ARHGAP21: variants seen among roughly 807,000 people sequenced by gnomAD.
The protein encoded by ARHGAP21 is rho GTPase-activating protein 21.
A neutral mutation model predicts 164.6 loss-of-function variants in ARHGAP21; 38 were observed. The ratio of observed to expected loss-of-function variants is 0.23; its 90% CI spans 0.18 to 0.30. The LOEUF (loss-of-function observed/expected upper bound fraction) is 0.30. Among genes scored for constraint, ARHGAP21 ranks in the 10% least tolerant of loss-of-function variants. The probability of loss-of-function intolerance (pLI) is 1.00; values close to 1 mark genes in which losing one functional copy is unlikely to be tolerated. For missense variants in ARHGAP21, 1,822 were observed against 2,370.7 expected, an observed-to-expected ratio of 0.77 and a Z score of 4.81; for synonymous variants, 766 against 857.9, an observed-to-expected ratio of 0.89 and a Z score of 1.87.
intron 2 of ARHGAP21, among the ~76,000 whole-genome samples, chr10:24,714,923 G>T (rs1278281576): frequency 6.6e-6 from 1 of 151,768 alleles, no homozygotes; most frequent in Non-Finnish European, 1.5e-5. Context: ...CCAGCTACTC[G>T]GGAGGCTGAG....
At chr10:24,613,060 G>A (rs2077337851) in intron 9 of ARHGAP21, among the ~76,000 whole-genome samples, 1 of 151,200 alleles carries the variant, frequency 6.6e-6, no homozygotes, top group Non-Finnish European at 1.5e-5. Context: ...TTTAATCAGA[G>A]TTAAGCCCAA....
chr10:24,613,153 A>C (rs1299280270), intron 9 of ARHGAP21, among the ~76,000 whole-genome samples: 5 of 152,176 alleles, frequency 3.3e-5, no homozygotes, highest in Admixed American at 6.5e-5. Flanking sequence ...AACATCAGGT[A>C]CAAGAGCTGA....
intron 4 of ARHGAP21, among the ~76,000 whole-genome samples, chr10:24,649,743 C>T (rs1347452539): frequency 6.6e-6 from 1 of 150,490 alleles, no homozygotes; most frequent in African/African-American, 2.4e-5. Context: ...ATATTCTAAG[C>T]TAAAGCTTAG....
intron 4 of ARHGAP21, among the ~76,000 whole-genome samples, chr10:24,635,525 CTTTTGTT>C (rs1328282322): frequency 2.6e-5 from 4 of 151,926 alleles, no homozygotes; most frequent in Admixed American, 2.6e-4. Context: ...CACTCCATGG[CTTTTGTT>C]TTTTGTTTTG....
chr10:24,627,925 C>A (rs551432864), intron 7 of ARHGAP21, among the ~76,000 whole-genome samples: 66 of 152,170 alleles, frequency 4.3e-4, no homozygotes, highest in Non-Finnish European at 8.5e-4. Context: ...CAAGAGCCAT[C>A]CAACCAGTAC....
rs758125689 is a variant in ARHGAP21, at chr10:24,607,703, A to G, written c.2581+42T>C. 1.4e-5 allele frequency: 22 copies of G among 1,611,324 alleles called. No individual in the cohort carries two copies. The East Asian group carries it at 2.9e-4, about 21-fold the overall frequency. On this transcript the variant is annotated intron_variant, in intron 10 of 25. Transcript: ENST00000396432. ...TATCATACTATTCTAAGTGGAAAAC[A>G]GAGCATGAGATACGGTTTACAAAAC...
chr10:24,635,053 C>T lies in ARHGAP21; in HGVS notation c.319G>A (p.Val107Ile). The change falls in exon 5 of 26, where the codon GTT becomes ATT. Residue 107 changes from valine (V) to isoleucine (I), a missense_variant. Coordinates refer to ENST00000396432, the MANE Select transcript of ARHGAP21 (RefSeq NM_020824.4). The stretch of plus-strand genomic sequence containing the variant: ...TCAAAAGCAGGTCCTCCTTCTTTAA[C>T]TTGCTTAACAAATATGGTATCCATT... ...EPMDTIFVKQ[V>I]KEGGPAFEAG... 1 of 1,603,214 alleles carries T rather than the reference C, an allele frequency of 6.2e-7. No homozygotes were observed. Among genetic ancestry groups the T allele is most frequent in the Non-Finnish European group, 8.5e-7 (1 of 1,175,766 alleles).
intron 14 of ARHGAP21, among the ~76,000 whole-genome samples, chr10:24,599,018 G>A (rs2076700321): frequency 6.6e-6 from 1 of 152,192 alleles, no homozygotes; most frequent in African/African-American, 2.4e-5. Context: ...CATATGGTAT[G>A]TGCTCAGTGA....
At chr10:24,710,071 T>C (rs1302849278) in intron 2 of ARHGAP21, among the ~76,000 whole-genome samples, 1 of 152,248 alleles carries the variant, frequency 6.6e-6, no homozygotes, top group African/African-American at 2.4e-5. Context: ...TTGTTCTTTC[T>C]GAGAAAACTA....
intron 2 of ARHGAP21, among the ~76,000 whole-genome samples, chr10:24,688,300 G>A (rs1842405248): frequency 6.6e-6 from 1 of 152,140 alleles, no homozygotes; most frequent in Admixed American, 6.5e-5. Flanking sequence ...GCTGGGGCAG[G>A]AGAATCCCTT....
At chr10:24,623,637 G>C (rs994960061) in intron 7 of ARHGAP21, among the ~76,000 whole-genome samples, 14 of 152,258 alleles carry the variant, frequency 9.2e-5, no homozygotes, top group Admixed American at 7.8e-4. Flanking sequence ...ATACTGTACT[G>C]TCTGGTACAG....
chr10:24,693,198 T>C (rs531417731), intron 2 of ARHGAP21, among the ~76,000 whole-genome samples: 2 of 152,370 alleles, frequency 1.3e-5, no homozygotes, highest in South Asian at 4.1e-4. Flanking sequence ...CGCCAAGCTA[T>C]GTATTTATGA....
chr10:24,690,839 T>A (rs551487798), intron 2 of ARHGAP21, among the ~76,000 whole-genome samples: 5,300 of 140,036 alleles, frequency 0.038, 120 homozygotes, highest in South Asian at 0.06. Flanking sequence ...AAAAAAAAAA[T>A]ATATATATAT....
At chr10:24,659,546 C>G (rs953387281) in intron 4 of ARHGAP21, among the ~76,000 whole-genome samples, 1 of 152,208 alleles carries the variant, frequency 6.6e-6, no homozygotes, top group African/African-American at 2.4e-5. Context: ...AACTCCCAAC[C>G]TCAGGTGATC....
At chr10:24,680,864 G>C (rs73606543) in intron 2 of ARHGAP21, among the ~76,000 whole-genome samples, 1,950 of 152,248 alleles carry the variant, frequency 0.013, 33 homozygotes, top group African/African-American at 0.045. Flanking sequence ...TAATGTGAGT[G>C]CCAATTCATG....
chr10:24,619,411 A>G (rs909527131), intron 9 of ARHGAP21, 62 bp downstream of exon 9: 3 of 1,473,886 alleles, frequency 2.0e-6, no homozygotes, highest in Admixed American at 2.0e-5. Flanking sequence ...TAGAAATAAT[A>G]CTTTTCTGGA....
intron 2 of ARHGAP21, among the ~76,000 whole-genome samples, chr10:24,706,141 C>A (rs546585341): frequency 1.3e-5 from 2 of 152,324 alleles, no homozygotes; most frequent in South Asian, 4.1e-4. Context: ...ACTCCAAAAT[C>A]TTGCCTACTT....
intron 4 of ARHGAP21, among the ~76,000 whole-genome samples, chr10:24,664,246 C>G (rs1009697699): frequency 6.6e-6 from 1 of 152,088 alleles, no homozygotes; most frequent in Non-Finnish European, 1.5e-5. Context: ...AGCAAACTTA[C>G]AGCCCACCGT....
intron 4 of ARHGAP21, among the ~76,000 whole-genome samples, chr10:24,653,757 T>G (rs567032520): frequency 6.6e-6 from 1 of 152,274 alleles, no homozygotes; most frequent in African/African-American, 2.4e-5. Context: ...TAGGATTTCA[T>G]ATAAATGGAA....
Sources: allele counts gnomAD v4.1 joint callset (sites outside exome capture counted in the v4.1 genomes callset), GRCh38; gene constraint gnomAD v4.1.1; transcripts MANE v1.5; gene names NCBI Gene and HGNC (gene_info 2026-07-23, HGNC 2026-07-21).